The following LGR6 variants were observed in gnomAD, a reference collection of about 807,000 sequenced individuals.
LGR6 encodes leucine-rich repeat-containing G protein-coupled receptor 6.
Under a neutral mutation model 69.4 loss-of-function variants are expected in LGR6, and 45 were observed. The ratio of observed to expected loss-of-function variants is 0.65; its 90% CI spans 0.51 to 0.83. The LOEUF is 0.83. Ranked by LOEUF, LGR6 falls within the 40% of genes least tolerant of loss-of-function variation. The pLI is 0.00. For synonymous variants in LGR6, 538 were observed against 555.0 expected (o/e 0.97, Z 0.43); for missense variants, 1,108 against 1,246.7 (o/e 0.89, Z 1.68).
At chr1:202,310,033 C>G (rs190505584) in intron 15 of LGR6, among the ~76,000 whole-genome samples, 164 bp from the exon 16 acceptor site, 224 of 152,308 alleles carry the variant, frequency 1.5e-3, no homozygotes, top group Non-Finnish European at 2.4e-3. Flanking sequence ...AAGGCCCTTA[C>G]AAAGAATGCC....
chr1:202,282,102 C>T (rs1028274457), intron 6 of LGR6, among the ~76,000 whole-genome samples: 2 of 152,162 alleles, frequency 1.3e-5, no homozygotes, highest in Admixed American at 6.5e-5. Flanking sequence ...CCAGCTTTGC[C>T]GGCATGCTCA....
At chr1:202,260,345 A>G (rs987921586) in intron 4 of LGR6, among the ~76,000 whole-genome samples, 8 of 150,684 alleles carry the variant, frequency 5.3e-5, no homozygotes, top group African/African-American at 2.0e-4. Flanking sequence ...GGACTATTTT[A>G]TTTTTTCAGA....
In LGR6 at chr1:202,303,278, G is replaced by A; in HGVS notation, c.930-1G>A. The A allele has an allele frequency of 6.2e-7, 1 of 1,613,178 alleles. No homozygotes were observed. Among genetic ancestry groups the A allele is most frequent in the Non-Finnish European group, 8.5e-7 (1 of 1,179,128 alleles). Reference sequence around the variant, plus strand: ...TCAGAGCTCATTGTCTCTATTTCCAGATCTCTGAATGGTGCCATGGACATC... The same window carrying A: ...TCAGAGCTCATTGTCTCTATTTCCAAATCTCTGAATGGTGCCATGGACATC... On this transcript the variant is annotated splice_acceptor_variant, in intron 9 of 17. Coordinates refer to ENST00000367278, the MANE Select transcript of LGR6 (RefSeq NM_001017403.2). LOFTEE classifies it high-confidence loss of function.
At chr1:202,206,186 T>C (rs965379475) in intron 1 of LGR6, among the ~76,000 whole-genome samples, 27 of 152,386 alleles carry the variant, frequency 1.8e-4, no homozygotes, top group African/African-American at 6.3e-4. Flanking sequence ...GGCTGTAAAC[T>C]AATCCGCTGC....
intron 1 of LGR6, among the ~76,000 whole-genome samples, chr1:202,201,377 G>A (rs61823733): frequency 0.091 from 13,899 of 152,194 alleles, 885 homozygotes; most frequent in Admixed American, 0.19. Flanking sequence ...AATAACCAGC[G>A]TTTATTGAAT....
intron 14 of LGR6, 52 bp from the exon 15 acceptor site, chr1:202,308,999 C>T (rs1396632570): frequency 1.2e-6 from 2 of 1,606,576 alleles, no homozygotes; most frequent in Non-Finnish European, 1.7e-6. Flanking sequence ...ACAGCCCTGC[C>T]CCCTCAGCAA....
At chr1:202,206,401 C>T (rs749600745) in intron 1 of LGR6, among the ~76,000 whole-genome samples, 13 of 152,218 alleles carry the variant, frequency 8.5e-5, no homozygotes, top group Admixed American at 2.6e-4. Flanking sequence ...TGGACCCGGC[C>T]CCCCAGCGCA....
intron 5 of LGR6, 52 bp downstream of exon 5, chr1:202,276,573 G>A (rs778855503): frequency 3.8e-5 from 55 of 1,454,234 alleles, no homozygotes; most frequent in Non-Finnish European, 4.8e-5. Flanking sequence ...GGGGGCTGGG[G>A]GCTGCATGTT....
At chr1:202,203,936 T>A in intron 1 of LGR6, 1 of 1,178,982 alleles carries the variant, frequency 8.5e-7, no homozygotes, top group Admixed American at 1.7e-5. Flanking sequence ...GGGGGTGCGA[T>A]TTTATTTCCT....
chr1:202,194,027 G>A lies in LGR6; in HGVS notation c.38G>A (p.Cys13Tyr). 1 of 1,389,666 alleles carries A rather than the reference G, an allele frequency of 7.2e-7. No individual in the cohort carries two copies. Among genetic ancestry groups the A allele is most frequent in the Non-Finnish European group, 9.3e-7 (1 of 1,077,962 alleles). 86.1% of individuals were successfully genotyped at this position (1,389,666 alleles called of 1,614,324 possible). A position where few individuals can be genotyped will look rare whatever the true frequency, so the allele number is the denominator to read the frequency against. ...CCGGGGCTCCGGGCGCTATGGCTTT[G>A]CGCCGCGCTGTGCGCTTCCCGGAGG... The part of the protein sequence containing the change: ...SPPGLRALWL[C>Y]AALCASRRAG... Residue 13 changes from cysteine (C) to tyrosine (Y), a missense_variant, in exon 1 of 18, where the codon TGC becomes TAC. Coordinates refer to ENST00000367278, the MANE Select transcript of LGR6 (RefSeq NM_001017403.2).
At chr1:202,303,221 G>A in intron 9 of LGR6, 58 bp from the exon 10 acceptor site, 2 of 1,267,020 alleles carry the variant, frequency 1.6e-6, no homozygotes, top group East Asian at 4.7e-5. Flanking sequence ...AGAATTGAGA[G>A]TCTTGATGTT....
chr1:202,239,486 C>T (rs1661980169), intron 4 of LGR6, among the ~76,000 whole-genome samples: 1 of 151,804 alleles, frequency 6.6e-6, no homozygotes, highest in Non-Finnish European at 1.5e-5. Context: ...AGGATTTGGA[C>T]TTTATTCTTA....
chr1:202,310,191 C>A lies in LGR6; in HGVS notation c.1407-6C>A, dbSNP rs146771876. The A allele has an allele frequency of 2.8e-5, 45 of 1,613,456 alleles. No homozygotes were observed. Among genetic ancestry groups the A allele is most frequent in the Admixed American group, 1.5e-4 (9 of 59,908 alleles). On this transcript the variant is annotated splice_region_variant and splice_polypyrimidine_tract_variant and intron_variant, in intron 15 of 17. Transcript: ENST00000367278. Reference sequence around the variant, plus strand: ...GCAGCCAATCAGCCTGCCTCTCCCCCACCAGGATCCTGGAGGTGCCTTATG... The same window carrying A: ...GCAGCCAATCAGCCTGCCTCTCCCCAACCAGGATCCTGGAGGTGCCTTATG...
chr1:202,263,021 A>G (rs1435860622), intron 4 of LGR6, among the ~76,000 whole-genome samples: 4 of 144,524 alleles, frequency 2.8e-5, no homozygotes, highest in African/African-American at 1.0e-4. Flanking sequence ...CTTTTCATGG[A>G]TTTTTGTTCC....
intron 1 of LGR6, among the ~76,000 whole-genome samples, chr1:202,198,668 G>GTT (rs56275558): frequency 8.0e-4 from 102 of 127,724 alleles, no homozygotes; most frequent in Non-Finnish European, 1.0e-3. Flanking sequence ...GTAATTTTAG[G>GTT]TTTTTTTTTT....
At chr1:202,252,984 C>CA (rs1558037757) in intron 4 of LGR6, among the ~76,000 whole-genome samples, 1 of 152,230 alleles carries the variant, frequency 6.6e-6, no homozygotes, top group Non-Finnish European at 1.5e-5. Context: ...AGCAGGAAGA[C>CA]ATTCTGACAC....
At chr1:202,203,379 C>T (rs954501913) in intron 1 of LGR6, among the ~76,000 whole-genome samples, 8 of 152,174 alleles carry the variant, frequency 5.3e-5, no homozygotes, top group South Asian at 2.1e-4. Context: ...AGAAGAACAG[C>T]GCAGTTCGGT....
At position 202,318,680 on chromosome 1, in the gene LGR6, A is replaced by G. The variant is rs746073712; in HGVS notation, c.2377A>G (p.Ser793Gly). ...CCTCTACTGTCCCGTGGCCTTCCTC[A>G]GCTTTGCCTCCATGCTGGGCCTCTT... ...GLLYCPVAFL[S>G]FASMLGLFPV... The change falls in exon 18 of 18, where the codon AGC becomes GGC. Residue 793 changes from serine (S) to glycine (G), a missense_variant. Coordinates refer to ENST00000367278, the MANE Select transcript of LGR6 (RefSeq NM_001017403.2). 6.2e-7 allele frequency: 1 copy of G among 1,613,552 alleles called. No individual in the cohort carries two copies. Among genetic ancestry groups the G allele is most frequent in the Non-Finnish European group, 8.5e-7 (1 of 1,179,966 alleles).
chr1:202,214,579 T>C (rs1197044775), intron 1 of LGR6, among the ~76,000 whole-genome samples: 3 of 152,314 alleles, frequency 2.0e-5, no homozygotes, highest in Non-Finnish European at 4.4e-5. Flanking sequence ...GGGTTCGCGC[T>C]GCCAATTCTT....
Sources: gnomAD v4.1 joint callset for allele counts (sites outside exome capture counted in the v4.1 genomes callset) on GRCh38, gnomAD v4.1.1 for gene constraint, MANE v1.5 for transcripts, NCBI Gene and HGNC (gene_info 2026-07-23, HGNC 2026-07-21) for gene names.